Variants in SLC6A20 observed in about 807,000 individuals in gnomAD.
SLC6A20 encodes the protein sodium- and chloride-dependent transporter XTRP3.
SLC6A20 carries 73 observed loss-of-function variants against 64.3 expected under a neutral mutation model. That is an observed-to-expected ratio of 1.14 (90% confidence interval 0.94 to 1.38). SLC6A20 has a LOEUF of 1.38. SLC6A20 is among the 40% of genes most tolerant of loss of function. The probability of loss-of-function intolerance (pLI) is 0.00; values close to 1 mark genes in which losing one functional copy is unlikely to be tolerated. For missense variants in SLC6A20, 725 were observed against 772.8 expected (o/e 0.94, Z 0.73); for synonymous variants, 347 against 329.6 (o/e 1.05, Z -0.57).
At chr3:45,776,090 A>G in intron 3 of SLC6A20, 102 bp from the exon 4 acceptor site, 1 of 1,155,490 alleles carries the variant, frequency 8.7e-7, no homozygotes, top group Non-Finnish European at 1.3e-6. Flanking sequence ...CTTGGAAGAG[A>G]AGGGTGCTGG....
Position 45,782,189 on chromosome 3 carries a change from G to T in SLC6A20, c.156C>A (p.Ile52=), listed in dbSNP as rs761532331. 3.7e-6 allele frequency: 6 copies of T among 1,613,818 alleles called. No individual in the cohort carries two copies. In the South Asian group the frequency reaches 6.6e-5, roughly 18 times the overall value. The change falls in exon 2 of 11, where the codon ATC becomes ATA. Residue 52 remains isoleucine (I), a synonymous_variant. Transcript: ENST00000358525. ...SFLVPYIIML[I]VEGMPLLYLE... is the part of the protein sequence containing the mutation. ...GGTACAAGAGCGGCATTCCCTCCAC[G>T]ATAAGCATGATGATGTAGGGGACCA...
intron 1 of SLC6A20, among the ~76,000 whole-genome samples, chr3:45,791,313 C>T (rs1165539848): frequency 1.3e-5 from 2 of 152,240 alleles, no homozygotes; most frequent in African/African-American, 4.8e-5. Context: ...GTAGAGCCCT[C>T]TGGGGAGTGT....
At position 45,772,455 on chromosome 3, in the gene SLC6A20, G is replaced by T. The variant is rs1161014059; in HGVS notation, c.693+50C>A. 2.0e-6 allele frequency: 3 copies of T among 1,502,968 alleles called. No individual in the cohort carries two copies. The South Asian group carries it at 3.5e-5, about 18-fold the overall frequency. 93.1% of individuals were successfully genotyped at this position (1,502,968 alleles called of 1,614,324 possible). On this transcript the variant is annotated intron_variant, in intron 5 of 10. Transcript: ENST00000358525. ...CCTCTTCCCACCCATCCTGGAAGGTGGCAGGATAAGTGAGGGGTGCCCGTA... is the reference window on the plus strand; with the variant it reads ...CCTCTTCCCACCCATCCTGGAAGGTTGCAGGATAAGTGAGGGGTGCCCGTA...
intron 8 of SLC6A20, 45 bp from the exon 9 acceptor site, chr3:45,763,117 A>G: frequency 6.2e-7 from 1 of 1,609,118 alleles, no homozygotes; most frequent in Non-Finnish European, 8.5e-7. Context: ...AGACCCCCCC[A>G]CTACTGCTTA....
At chr3:45,777,806 C>A (rs1360186927) in intron 3 of SLC6A20, among the ~76,000 whole-genome samples, 1 of 152,156 alleles carries the variant, frequency 6.6e-6, no homozygotes, top group African/African-American at 2.4e-5. Context: ...GAGTCTGTTC[C>A]CTGGACTACC....
At position 45,765,350 on chromosome 3, in the gene SLC6A20, C is replaced by T. The variant is rs1048067557; in HGVS notation, c.1303+187G>A. Among the ~76,000 whole-genome samples the T allele has an allele frequency of 5.3e-5, 8 of 152,108 alleles. No homozygotes were observed. Among genetic ancestry groups the T allele is most frequent in the African/African-American group, 1.7e-4 (7 of 41,402 alleles). On this transcript the variant is annotated intron_variant, in intron 8 of 10. Coordinates refer to ENST00000358525, the MANE Select transcript of SLC6A20 (RefSeq NM_020208.4). The surrounding 1 kb of genome is among the most constrained non-coding windows in gnomAD (Gnocchi z 4.2). ...CTTCCCTGTGATGTGGAGAATGGAA[C>T]GCACAGGGTGAATCACATGGCCCAG...
At chr3:45,761,228 C>A (rs532588996) in intron 9 of SLC6A20, among the ~76,000 whole-genome samples, 22 of 151,824 alleles carry the variant, frequency 1.4e-4, no homozygotes, top group African/African-American at 5.3e-4. Context: ...CCATAACCCC[C>A]CCCCCTTTCC....
intron 1 of SLC6A20, among the ~76,000 whole-genome samples, chr3:45,792,743 C>A (rs888763941): frequency 1.3e-5 from 2 of 152,220 alleles, no homozygotes; most frequent in Non-Finnish European, 1.5e-5. Flanking sequence ...CCCCACACTC[C>A]GGCACAATAC....
chr3:45,779,531 A>G (rs1700032999), intron 3 of SLC6A20, among the ~76,000 whole-genome samples: 1 of 152,144 alleles, frequency 6.6e-6, no homozygotes, highest in Admixed American at 6.5e-5. Flanking sequence ...GGAAAAGAAG[A>G]GGCTCAGGCT....
At chr3:45,782,989 G>T (rs1334164974) in intron 1 of SLC6A20, among the ~76,000 whole-genome samples, 1 of 152,232 alleles carries the variant, frequency 6.6e-6, no homozygotes, top group African/African-American at 2.4e-5. Flanking sequence ...CAGACATCAT[G>T]CCTGGATCCA....
At chr3:45,771,016 G>A (rs1382869012) in intron 6 of SLC6A20, among the ~76,000 whole-genome samples, 2 of 152,176 alleles carry the variant, frequency 1.3e-5, no homozygotes, top group African/African-American at 2.4e-5. Flanking sequence ...CTCACAACAC[G>A]CTAACGTGCC....
intron 4 of SLC6A20, among the ~76,000 whole-genome samples, chr3:45,774,779 T>C (rs980273073): frequency 6.6e-6 from 1 of 152,128 alleles, no homozygotes; most frequent in Admixed American, 6.5e-5. Flanking sequence ...ATGACATCAT[T>C]AAGGCATAGA....
intron 4 of SLC6A20, among the ~76,000 whole-genome samples, chr3:45,774,728 G>C (rs547903257): frequency 6.6e-6 from 1 of 152,304 alleles, no homozygotes; most frequent in South Asian, 2.1e-4. Context: ...GGTGAGGACA[G>C]GTGGGCTCCT....
At chr3:45,790,566 G>A (rs1256654024) in intron 1 of SLC6A20, 1 of 152,182 alleles carries the variant, frequency 6.6e-6, no homozygotes, top group African/African-American at 2.4e-5. Context: ...AAAAATTAAA[G>A]CCGTCTTTAC....
At chr3:45,787,094 T>C (rs2531747) in intron 1 of SLC6A20, among the ~76,000 whole-genome samples, 95,197 of 152,022 alleles carry the variant, frequency 0.63, 30,430 homozygotes, top group African/African-American at 0.73. Flanking sequence ...CATCCCTAGC[T>C]TCTCACCTGG....
Position 45,796,344 on chromosome 3 carries a change from C to T in SLC6A20, c.76G>A (p.Gly26Ser). The change falls in exon 1 of 11, where the codon GGC becomes AGC. Residue 26 changes from glycine to serine, a missense_variant. By Grantham distance (56) the Gly-to-Ser change is moderately conservative. Coordinates refer to ENST00000358525, the MANE Select transcript of SLC6A20 (RefSeq NM_020208.4). ...AGGTACGGGAATCGCCACACGTTGC[C>T]CAGGCCCACGGCGTACGAGATGCAG... The part of the protein sequence containing the change: ...FACISYAVGL[G>S]NVWRFPYLCQ... The T allele has an allele frequency of 6.2e-7, 1 of 1,611,492 alleles. No individual in the cohort carries two copies.
chr3:45,767,605 A>C (rs1439809792), intron 7 of SLC6A20, among the ~76,000 whole-genome samples: 1 of 152,200 alleles, frequency 6.6e-6, no homozygotes, highest in African/African-American at 2.4e-5. Flanking sequence ...AAGGAGAAAA[A>C]TGAGAGAATC....
rs1361080193 is a variant in SLC6A20, at chr3:45,782,068, AG to A, written c.262+14del. 3 of 1,591,794 alleles carry A rather than the reference AG, an allele frequency of 1.9e-6. No individual in the cohort carries two copies. Among genetic ancestry groups the A allele is most frequent in the Non-Finnish European group, 2.6e-6 (3 of 1,168,372 alleles). On this transcript the variant is annotated intron_variant, in intron 2 of 10. Transcript: ENST00000358525. ...GGGTCTCTGGGTGGGAGAGGACTGG[AG>A]GGGCCCCACGTACCGACACCACTGA...
intron 6 of SLC6A20, 55 bp downstream of exon 6, chr3:45,771,162 C>T (rs550983511): frequency 8.7e-6 from 14 of 1,608,488 alleles, no homozygotes; most frequent in Admixed American, 1.7e-5. Flanking sequence ...CCCAGGCGAC[C>T]CTTCAGCTCA....
Sources: gnomAD v4.1 joint callset for allele counts (sites outside exome capture counted in the v4.1 genomes callset) on GRCh38, gnomAD v4.1.1 for gene constraint, Gnocchi (gnomAD v3.1) non-coding constraint, MANE v1.5 for transcripts, NCBI Gene and HGNC (gene_info 2026-07-23, HGNC 2026-07-21) for gene names.